The following FSTL4 variants were observed in gnomAD, a reference collection of about 807,000 sequenced individuals.
FSTL4 encodes the protein follistatin-related protein 4.
In FSTL4, 28 loss-of-function variants were observed where a neutral mutation model predicts 78.2. The observed-to-expected ratio is 0.36, with a 90% CI of 0.27 to 0.49. The LOEUF is 0.49. FSTL4 is among the 20% of genes least tolerant of loss of function. The pLI, the probability that FSTL4 is intolerant of heterozygous loss-of-function variation, is 0.98. For missense variants in FSTL4, 922 were observed against 1,084.9 expected, an observed-to-expected ratio of 0.85 and a Z score of 2.11; for synonymous variants, 422 against 440.5, an observed-to-expected ratio of 0.96 and a Z score of 0.53.
chr5:133,305,374 C>T (rs1753632745), intron 6 of FSTL4, among the ~76,000 whole-genome samples: 1 of 152,208 alleles, frequency 6.6e-6, no homozygotes, highest in Non-Finnish European at 1.5e-5. Flanking sequence ...GGCCTTTCTA[C>T]CCTGGGTATT....
chr5:133,566,937 G>A (rs918712418), intron 3 of FSTL4, among the ~76,000 whole-genome samples: 8 of 152,128 alleles, frequency 5.3e-5, no homozygotes, highest in African/African-American at 9.7e-5. Context: ...ACATGATTGC[G>A]AATGAGCCAG....
At chr5:133,222,595 A>G (rs781090738) in intron 11 of FSTL4, among the ~76,000 whole-genome samples, 43 of 152,146 alleles carry the variant, frequency 2.8e-4, no homozygotes, top group Non-Finnish European at 4.9e-4. Context: ...TAGAGCCCAC[A>G]TGGGGTTTGT....
chr5:133,602,152 A>G (rs1293676702), intron 2 of FSTL4, among the ~76,000 whole-genome samples: 1 of 151,558 alleles, frequency 6.6e-6, no homozygotes, highest in African/African-American at 2.4e-5. Context: ...TATGATCAAT[A>G]GGGCAATAGT....
At chr5:133,241,022 TTGAA>T (rs1215194946) in intron 7 of FSTL4, among the ~76,000 whole-genome samples, 3 of 152,148 alleles carry the variant, frequency 2.0e-5, no homozygotes, top group East Asian at 3.9e-4. Flanking sequence ...TGGGCAGTAT[TTGAA>T]TGAGCTCCAG....
chr5:133,337,453 G>A (rs542140131), intron 4 of FSTL4, among the ~76,000 whole-genome samples: 21 of 152,158 alleles, frequency 1.4e-4, no homozygotes, highest in African/African-American at 5.1e-4. Context: ...ATTGGAGCCC[G>A]AGGCTTCTTC....
chr5:133,303,745 AACT>A (rs1452426290), intron 6 of FSTL4, among the ~76,000 whole-genome samples: 1 of 152,176 alleles, frequency 6.6e-6, no homozygotes, highest in African/African-American at 2.4e-5. Flanking sequence ...CAAGCTAGAG[AACT>A]GGTGATTGTG....
chr5:133,650,057 T>C, the FSTL4 span, among the ~76,000 whole-genome samples: 1 of 152,014 alleles, frequency 6.6e-6, no homozygotes, highest in African/African-American at 2.4e-5. Flanking sequence ...GGGGAACCAA[T>C]GTGTGCAAAG....
rs188622776 is a variant in FSTL4 at position 133,280,732 on chromosome 5, C to T, written c.728-31156G>A. On this transcript the variant is annotated intron_variant, in intron 6 of 15. Transcript: ENST00000265342. Reference sequence around the variant, plus strand: ...CCACTGAACACAGAGTAAAGACCACCCTCCTTCTGTGATGGCCTCCCCTAC... The same window carrying T: ...CCACTGAACACAGAGTAAAGACCACTCTCCTTCTGTGATGGCCTCCCCTAC... 2.2e-4 allele frequency among the ~76,000 whole-genome samples: 33 copies of T among 152,274 alleles called. No homozygotes were observed. The East Asian group carries it at 2.5e-3, about 12-fold the overall frequency.
At chr5:133,219,905 T>C (rs1228680341) in intron 12 of FSTL4, among the ~76,000 whole-genome samples, 1 of 152,234 alleles carries the variant, frequency 6.6e-6, no homozygotes, top group Non-Finnish European at 1.5e-5. Flanking sequence ...GGAAGGAACA[T>C]TGATGGGAAA....
chr5:133,789,893 C>T, the FSTL4 span, among the ~76,000 whole-genome samples: 3 of 152,276 alleles, frequency 2.0e-5, no homozygotes, highest in Admixed American at 2.0e-4. Flanking sequence ...TTCAGAGGCC[C>T]CATCTCCACA....
At chr5:133,308,853 T>C (rs1753712767) in intron 6 of FSTL4, among the ~76,000 whole-genome samples, 1 of 152,182 alleles carries the variant, frequency 6.6e-6, no homozygotes, top group African/African-American at 2.4e-5. Flanking sequence ...ACACCCTGCC[T>C]GTGTGGTCAC....
chr5:133,370,770 G>A (rs565628133), intron 4 of FSTL4, among the ~76,000 whole-genome samples: 7 of 152,190 alleles, frequency 4.6e-5, no homozygotes, highest in Admixed American at 3.3e-4. Context: ...AGGCAGCCTC[G>A]CCCTCAGAGC....
At chr5:133,282,217 G>A (rs1753025758) in intron 6 of FSTL4, among the ~76,000 whole-genome samples, 1 of 152,186 alleles carries the variant, frequency 6.6e-6, no homozygotes, top group African/African-American at 2.4e-5. Flanking sequence ...TAGGGCCTGA[G>A]GAGGGGCTTC....
intron 4 of FSTL4, among the ~76,000 whole-genome samples, chr5:133,366,037 C>G (rs921956384): frequency 1.3e-5 from 2 of 152,206 alleles, no homozygotes; most frequent in East Asian, 3.8e-4. Context: ...TTGTCATCCA[C>G]AAGGCCCCAC....
intron 13 of FSTL4, 86 bp downstream of exon 13, chr5:133,217,143 C>A (rs948388553): frequency 1.7e-5 from 18 of 1,089,996 alleles, no homozygotes; most frequent in Middle Eastern, 2.1e-4. Flanking sequence ...GGCACAGGAG[C>A]TGGGGAGTAT....
intron 3 of FSTL4, among the ~76,000 whole-genome samples, chr5:133,488,494 T>TA: frequency 6.6e-6 from 1 of 152,292 alleles, no homozygotes; most frequent in South Asian, 2.1e-4. Flanking sequence ...CCTCAAGTGA[T>TA]CTGCCCACCG....
At chr5:133,320,962 A>C (rs555901264) in intron 4 of FSTL4, among the ~76,000 whole-genome samples, 8 of 137,042 alleles carry the variant, frequency 5.8e-5, no homozygotes, top group South Asian at 2.4e-4. Context: ...AGCCGAGATC[A>C]CGCCACTGCA....
the FSTL4 span, among the ~76,000 whole-genome samples, chr5:133,688,165 T>A: frequency 4.6e-5 from 7 of 152,124 alleles, no homozygotes; most frequent in Non-Finnish European, 1.0e-4. Flanking sequence ...TCCCAGCACT[T>A]TGAGAGGTCG....
At chr5:133,684,489 C>T in the FSTL4 span, among the ~76,000 whole-genome samples, 3 of 152,368 alleles carry the variant, frequency 2.0e-5, no homozygotes, top group South Asian at 6.2e-4. Context: ...TGACCTTCTC[C>T]CTTATCCCAG....
Sources: allele counts gnomAD v4.1 joint callset (sites outside exome capture counted in the v4.1 genomes callset), GRCh38; gene constraint gnomAD v4.1.1; transcripts MANE v1.5; gene names NCBI Gene and HGNC (gene_info 2026-07-23, HGNC 2026-07-21).